DCAF8L2: variants seen among roughly 807,000 people sequenced by gnomAD.
DCAF8L2 encodes DDB1 and CUL4 associated factor 8 like 2, also known as DDB1- and CUL4-associated factor 8-like protein 2.
For missense variants in DCAF8L2, 430 were observed against 490.7 expected, an observed-to-expected ratio of 0.88 and a Z score of 1.17; for synonymous variants, 200 against 190.9, an observed-to-expected ratio of 1.05 and a Z score of -0.39.
the DCAF8L2 span, among the ~76,000 whole-genome samples, chrX:27,504,018 CT>C: frequency 8.9e-6 from 1 of 112,068 alleles, no homozygotes; most frequent in Admixed American, 9.5e-5. Flanking sequence ...ATTGATGGTG[CT>C]TATAAATTTG....
the DCAF8L2 span, among the ~76,000 whole-genome samples, chrX:27,569,139 G>A: frequency 9.0e-6 from 1 of 111,261 alleles, no homozygotes; most frequent in African/African-American, 3.3e-5. Flanking sequence ...CTGCCCTAAG[G>A]AAATCATACC....
chrX:27,516,129 G>A, the DCAF8L2 span, among the ~76,000 whole-genome samples: 1 of 110,960 alleles, frequency 9.0e-6, no homozygotes, highest in Non-Finnish European at 1.9e-5. Flanking sequence ...AACACCAAAT[G>A]GAAAGTAGCT....
At chrX:27,505,296 C>A in the DCAF8L2 span, among the ~76,000 whole-genome samples, 4 of 111,022 alleles carry the variant, frequency 3.6e-5, no homozygotes, top group Non-Finnish European at 7.6e-5. Context: ...TCATCCAATA[C>A]AGAACATATA....
intron 3 of DCAF8L2, among the ~76,000 whole-genome samples, chrX:27,703,347 T>C (rs1314013370): frequency 1.8e-5 from 2 of 110,983 alleles, no homozygotes; most frequent in African/African-American, 6.5e-5. Context: ...TATATGGAAA[T>C]ATAAGGGACT....
the DCAF8L2 span, among the ~76,000 whole-genome samples, chrX:27,549,538 T>G: frequency 9.0e-6 from 1 of 111,644 alleles, no homozygotes; most frequent in East Asian, 2.8e-4. Context: ...TTATTAGTAT[T>G]ATTATTAAAG....
chrX:27,547,561 C>A, the DCAF8L2 span, among the ~76,000 whole-genome samples: 1 of 111,473 alleles, frequency 9.0e-6, no homozygotes, highest in South Asian at 3.8e-4. Flanking sequence ...GAAGAGGAAG[C>A]AAGCCCATCT....
the DCAF8L2 span, among the ~76,000 whole-genome samples, chrX:27,493,342 A>G: frequency 5.3e-5 from 6 of 112,199 alleles, no homozygotes; most frequent in African/African-American, 1.9e-4. Flanking sequence ...GTACAATTCA[A>G]CAATTTTAAA....
intron 4 of DCAF8L2, 84 bp from the exon 5 acceptor site, chrX:27,746,754 A>G (rs1191667758): frequency 5.7e-6 from 3 of 526,033 alleles, no homozygotes. Flanking sequence ...AGTCTCCTTT[A>G]GCCAATCAGA....
At chrX:27,692,324 A>G (rs918470450) in intron 3 of DCAF8L2, among the ~76,000 whole-genome samples, 1 of 111,976 alleles carries the variant, frequency 8.9e-6, no homozygotes, top group Non-Finnish European at 1.9e-5. Context: ...TTTTCATAGT[A>G]TCATGAGACA....
the DCAF8L2 span, among the ~76,000 whole-genome samples, chrX:27,495,876 A>G: frequency 2.5e-4 from 28 of 111,270 alleles, no homozygotes; most frequent in Non-Finnish European, 4.2e-4. Flanking sequence ...TATTATTTCA[A>G]TTTTTCTGTG....
chrX:27,691,918 TAAGGAC>T (rs918429231), intron 3 of DCAF8L2, among the ~76,000 whole-genome samples: 5 of 111,928 alleles, frequency 4.5e-5, no homozygotes, highest in Non-Finnish European at 9.4e-5. Flanking sequence ...TTAGTAGAAA[TAAGGAC>T]AAGGATTTAG....
chrX:27,636,968 G>A (rs1928528340), intron 2 of DCAF8L2, among the ~76,000 whole-genome samples: 1 of 111,430 alleles, frequency 9.0e-6, no homozygotes. Context: ...ACTAGGAGAC[G>A]AGAAGAGGAC....
chrX:27,567,304 T>G, the DCAF8L2 span, among the ~76,000 whole-genome samples: 1 of 109,141 alleles, frequency 9.2e-6, no homozygotes, highest in African/African-American at 3.3e-5. Context: ...GGATGTTCTA[T>G]CCCTTATTGT....
the DCAF8L2 span, among the ~76,000 whole-genome samples, chrX:27,577,214 G>T: frequency 0.013 from 1,491 of 112,133 alleles, 41 homozygotes; most frequent in African/African-American, 0.046. Context: ...TCCAAAGGAA[G>T]TCAATTACAA....
chrX:27,668,662 AG>A (rs1370100355), intron 2 of DCAF8L2, among the ~76,000 whole-genome samples: 1 of 112,117 alleles, frequency 8.9e-6, no homozygotes, highest in African/African-American at 3.2e-5. Flanking sequence ...ACTCAGAAAA[AG>A]CAATTCTGGC....
chrX:27,681,347 T>C (rs1930321369), intron 3 of DCAF8L2, among the ~76,000 whole-genome samples: 1 of 111,161 alleles, frequency 9.0e-6, no homozygotes. Flanking sequence ...AGACAGGGAA[T>C]AGGTCTGACG....
At chrX:27,518,944 G>C in the DCAF8L2 span, 55 of 580,100 alleles carry the variant, frequency 9.5e-5, no homozygotes, top group African/African-American at 8.6e-4. Flanking sequence ...AGACAAAAAG[G>C]CACCTGATTT....
the DCAF8L2 span, among the ~76,000 whole-genome samples, chrX:27,523,474 C>T: frequency 2.8e-5 from 3 of 107,186 alleles, no homozygotes; most frequent in Non-Finnish European, 5.8e-5. Flanking sequence ...TATCCAAAGG[C>T]TAATGATTTG....
At chrX:27,603,986 C>T (rs1369237764) in intron 1 of DCAF8L2, among the ~76,000 whole-genome samples, 1 of 111,601 alleles carries the variant, frequency 9.0e-6, no homozygotes, top group Non-Finnish European at 1.9e-5. Context: ...CAATTTTCCA[C>T]TGATTGATTA....
Sources: allele counts gnomAD v4.1 joint callset (sites outside exome capture counted in the v4.1 genomes callset), GRCh38; gene constraint gnomAD v4.1.1; transcripts MANE v1.5; gene names NCBI Gene and HGNC (gene_info 2026-07-23, HGNC 2026-07-21).